Variants in PRKCB observed in about 807,000 individuals in gnomAD.
PRKCB encodes protein kinase C beta type.
A neutral mutation model predicts 81.5 loss-of-function variants in PRKCB; 13 were observed. The ratio of observed to expected loss-of-function variants is 0.16; its 90% confidence interval spans 0.10 to 0.25. The LOEUF (loss-of-function observed/expected upper bound fraction) is 0.25. PRKCB is among the 10% of genes least tolerant of loss of function. PRKCB has a pLI of 1.00. For synonymous variants in PRKCB, 335 were observed against 321.4 expected (o/e 1.04, Z -0.45); for missense variants, 509 against 875.7 (o/e 0.58, Z 5.29).
chr16:23,936,662 C>T (rs1313713819), intron 2 of PRKCB, among the ~76,000 whole-genome samples: 4 of 145,384 alleles, frequency 2.8e-5, no homozygotes, highest in South Asian at 2.1e-4. Context: ...CGAACTCAAG[C>T]GATCCACCTG....
At chr16:23,904,577 C>T (rs1178485622) in intron 2 of PRKCB, among the ~76,000 whole-genome samples, 2 of 152,118 alleles carry the variant, frequency 1.3e-5, no homozygotes, top group South Asian at 2.1e-4. Flanking sequence ...GCAGAAGAAT[C>T]GCTTGAACCC....
At chr16:24,112,277 G>T (rs1176094782) in intron 7 of PRKCB, among the ~76,000 whole-genome samples, 1 of 152,194 alleles carries the variant, frequency 6.6e-6, no homozygotes, top group Non-Finnish European at 1.5e-5. Flanking sequence ...GGCAGTGGGG[G>T]TTGCAATTTG....
At chr16:23,998,581 C>A (rs1007233503) in intron 3 of PRKCB, among the ~76,000 whole-genome samples, 4 of 152,100 alleles carry the variant, frequency 2.6e-5, no homozygotes, top group Non-Finnish European at 5.9e-5. Context: ...TCCATTTATG[C>A]CTTAGATTCC....
intron 3 of PRKCB, among the ~76,000 whole-genome samples, chr16:24,014,468 CT>C (rs1275690867): frequency 1.3e-5 from 2 of 152,192 alleles, no homozygotes; most frequent in Non-Finnish European, 2.9e-5. Flanking sequence ...CGAAGGCCCC[CT>C]GGGGAATACC....
chr16:24,219,614 G>A lies in PRKCB; in HGVS notation c.*4798G>A. 9.6e-7 allele frequency: 1 copy of A among 1,037,736 alleles called. No individual in the cohort carries two copies. Among genetic ancestry groups the A allele is most frequent in the Non-Finnish European group, 1.2e-6 (1 of 864,934 alleles). The allele number at this position is 1,037,736 out of a possible 1,614,324, so 64.3% of individuals were successfully genotyped here. On this transcript the variant is annotated 3_prime_UTR_variant, in exon 17 of 17. Coordinates refer to ENST00000643927, the MANE Select transcript of PRKCB (RefSeq NM_002738.7). ...ATAACATTAAGCATGGTAATAAGTA[G>A]CTTCCAATTCAATTCATCCTAAAGC...
intron 16 of PRKCB, among the ~76,000 whole-genome samples, chr16:24,201,227 A>G (rs1596596249): frequency 6.6e-6 from 1 of 152,214 alleles, no homozygotes; most frequent in East Asian, 1.9e-4. Flanking sequence ...CTCTGTATCA[A>G]CAAAACTCCT....
At chr16:24,055,721 C>T (rs747162955) in intron 5 of PRKCB, among the ~76,000 whole-genome samples, 3 of 152,212 alleles carry the variant, frequency 2.0e-5, no homozygotes, top group Non-Finnish European at 4.4e-5. Flanking sequence ...GACAAGTAGG[C>T]ATATCCATAA....
intron 2 of PRKCB, among the ~76,000 whole-genome samples, chr16:23,916,289 C>A (rs1238927243): frequency 1.4e-5 from 2 of 146,614 alleles, no homozygotes; most frequent in Non-Finnish European, 3.0e-5. Context: ...GAACTCCTGG[C>A]CACAAACAAG....
intron 10 of PRKCB, among the ~76,000 whole-genome samples, chr16:24,158,529 TGTATATGTATAA>T (rs72219760): frequency 0.35 from 39,954 of 115,666 alleles, 5,706 homozygotes; most frequent in South Asian, 0.49. Context: ...TAAAAAAACA[TGTATATGTATAA>T]GTATATGTAT....
intron 2 of PRKCB, among the ~76,000 whole-genome samples, chr16:23,880,094 C>G (rs1039124974): frequency 6.6e-6 from 1 of 152,168 alleles, no homozygotes; most frequent in Non-Finnish European, 1.5e-5. Flanking sequence ...CTCAGTAGTA[C>G]TCTGGGGGAA....
At chr16:24,168,498 T>C (rs908042292) in intron 10 of PRKCB, among the ~76,000 whole-genome samples, 2 of 151,360 alleles carry the variant, frequency 1.3e-5, no homozygotes, top group Non-Finnish European at 2.9e-5. Context: ...CATGCACTGA[T>C]AATTTCCATT....
intron 2 of PRKCB, among the ~76,000 whole-genome samples, chr16:23,931,633 G>A (rs1438770902): frequency 6.6e-6 from 1 of 152,124 alleles, no homozygotes; most frequent in African/African-American, 2.4e-5. Flanking sequence ...ATCAGTAGAA[G>A]CTTCCTCCCT....
chr16:24,192,291 G>A (rs1175348503), intron 16 of PRKCB, among the ~76,000 whole-genome samples: 2 of 152,186 alleles, frequency 1.3e-5, no homozygotes, highest in African/African-American at 2.4e-5. Context: ...CATGGTTTTC[G>A]TTAGCTGTGT....
intron 2 of PRKCB, among the ~76,000 whole-genome samples, chr16:23,840,219 G>C (rs1962241701): frequency 6.6e-6 from 1 of 152,158 alleles, no homozygotes; most frequent in Non-Finnish European, 1.5e-5. Context: ...TCCTCTGAAA[G>C]TAAATCCACT....
chr16:23,883,181 C>T (rs1289063090), intron 2 of PRKCB, among the ~76,000 whole-genome samples: 1 of 152,128 alleles, frequency 6.6e-6, no homozygotes, highest in Non-Finnish European at 1.5e-5. Flanking sequence ...ATGAGATCCA[C>T]TGGCGATAAA....
At chr16:24,101,542 G>A (rs1966508479) in intron 7 of PRKCB, among the ~76,000 whole-genome samples, 1 of 152,178 alleles carries the variant, frequency 6.6e-6, no homozygotes, top group South Asian at 2.1e-4. Context: ...CTGTCTCAAA[G>A]TAAATAAAGA....
chr16:23,934,906 C>T (rs111987795), intron 2 of PRKCB, among the ~76,000 whole-genome samples: 2,483 of 152,204 alleles, frequency 0.016, 38 homozygotes, highest in Middle Eastern at 0.024. Context: ...ATTTAGAAAA[C>T]GGAATTCTTA....
intron 2 of PRKCB, among the ~76,000 whole-genome samples, chr16:23,891,580 A>G (rs1963296026): frequency 6.6e-6 from 1 of 152,152 alleles, no homozygotes; most frequent in Admixed American, 6.5e-5. Flanking sequence ...TGTTAGGCCT[A>G]TCTGCAAGAA....
intron 5 of PRKCB, among the ~76,000 whole-genome samples, chr16:24,077,743 C>A (rs1243650385): frequency 6.6e-6 from 1 of 152,202 alleles, no homozygotes; most frequent in African/African-American, 2.4e-5. Context: ...CATCCCTGAA[C>A]AACAGTAGGA....
Sources: allele counts gnomAD v4.1 joint callset (sites outside exome capture counted in the v4.1 genomes callset), GRCh38; gene constraint gnomAD v4.1.1; transcripts MANE v1.5; gene names NCBI Gene and HGNC (gene_info 2026-07-23, HGNC 2026-07-21).